The following AVEN variants were observed in gnomAD, a reference collection of about 807,000 sequenced individuals.
AVEN encodes the protein cell death regulator Aven.
AVEN carries 41 observed loss-of-function variants against 38.1 expected under a neutral mutation model. The observed-to-expected ratio is 1.08, with a 90% CI of 0.84 to 1.40. The LOEUF is 1.40. Among genes scored for constraint, AVEN ranks in the 40% most tolerant of loss-of-function variants. The pLI is 0.00. For missense variants in AVEN, 605 were observed against 438.8 expected (o/e 1.38, Z -3.38); for synonymous variants, 206 against 171.8 (o/e 1.20, Z -1.56).
chr15:33,899,460 C>CTTGTTTTTTTTTTTT (rs1892391473), intron 2 of AVEN, among the ~76,000 whole-genome samples: 1 of 65,430 alleles, frequency 1.5e-5, no homozygotes, highest in Non-Finnish European at 2.9e-5. Flanking sequence ...CAGGGAAAAC[C>CTTGTTTTTTTTTTTT]TTTTTTTTTT....
At chr15:33,857,849 C>T (rs1037322317), downstream of AVEN, 5 of 1,614,024 alleles carry the variant, frequency 3.1e-6, no homozygotes, top group Admixed American at 1.7e-5. Context: ...CAACTTCTTC[C>T]GCAAGTTCTA....
intron 2 of AVEN, among the ~76,000 whole-genome samples, chr15:34,068,414 T>C (rs181160237): frequency 1.3e-5 from 2 of 152,132 alleles, no homozygotes; most frequent in East Asian, 3.9e-4. Flanking sequence ...ACCATGGTGC[T>C]CAAGCTAGTC....
chr15:33,862,639 C>T (rs532693386), downstream of AVEN, among the ~76,000 whole-genome samples: 1 of 152,224 alleles, frequency 6.6e-6, no homozygotes, highest in South Asian at 2.1e-4. Flanking sequence ...TTTATTGAGA[C>T]AGTCTCTGTC....
At chr15:33,964,889 T>C (rs1374568697) in intron 2 of AVEN, among the ~76,000 whole-genome samples, 1 of 152,196 alleles carries the variant, frequency 6.6e-6, no homozygotes, top group African/African-American at 2.4e-5. Context: ...TTCAACATTA[T>C]ACTGGGAGTC....
chr15:33,946,821 C>A (rs1044649145), intron 2 of AVEN, among the ~76,000 whole-genome samples: 3 of 152,138 alleles, frequency 2.0e-5, no homozygotes, highest in South Asian at 2.1e-4. Flanking sequence ...AGTAAAAGGG[C>A]AGCAGAGAAG....
chr15:33,962,361 T>C (rs1597279225), intron 2 of AVEN, among the ~76,000 whole-genome samples: 2 of 152,160 alleles, frequency 1.3e-5, no homozygotes, highest in African/African-American at 4.8e-5. Context: ...CTGTTCCTCA[T>C]CCAGCTTCCC....
In AVEN at chr15:34,010,983, C is replaced by T. The variant is rs572030323; in HGVS notation, c.268-7774G>A. Among the ~76,000 whole-genome samples the T allele has an allele frequency of 3.3e-5, 5 of 152,170 alleles. No homozygotes were observed. In the South Asian group the frequency reaches 1.0e-3, roughly 32 times the overall value. The stretch of plus-strand genomic sequence containing the variant: ...CATTATCTTTTTAACAATAGAAAAA[C>T]TCATAAACCATCATAATTAAAGAAT... On this transcript the variant is annotated intron_variant, in intron 1 of 5. Transcript: ENST00000306730.
intron 2 of AVEN, among the ~76,000 whole-genome samples, chr15:33,877,694 T>C (rs2153036740): frequency 6.6e-6 from 1 of 152,276 alleles, no homozygotes; most frequent in South Asian, 2.1e-4. Context: ...CTCATGCCTG[T>C]AATCCCAGCA....
intron 2 of AVEN, among the ~76,000 whole-genome samples, chr15:33,908,576 G>A (rs1049461537): frequency 6.6e-6 from 1 of 152,082 alleles, no homozygotes; most frequent in Admixed American, 6.5e-5. Flanking sequence ...ACCATTCTGG[G>A]TGACTCATAT....
intron 2 of AVEN, among the ~76,000 whole-genome samples, chr15:33,920,895 C>T (rs968772396): frequency 2.0e-5 from 3 of 152,052 alleles, no homozygotes; most frequent in African/African-American, 7.3e-5. Flanking sequence ...CCTGCCTCAG[C>T]CCCCCAAGCA....
chr15:33,852,025 T>C, the AVEN span: 1 of 147,560 alleles, frequency 6.8e-6, no homozygotes, highest in Non-Finnish European at 1.5e-5. Flanking sequence ...AAAAACATTT[T>C]TTTTTAAATA....
At chr15:33,932,310 A>G (rs979704847) in intron 2 of AVEN, among the ~76,000 whole-genome samples, 1 of 152,204 alleles carries the variant, frequency 6.6e-6, no homozygotes, top group African/African-American at 2.4e-5. Flanking sequence ...AGTGATTCAC[A>G]TGTTAACAAG....
chr15:34,064,531 C>A, intron 4 of AVEN: 1 of 602,934 alleles, frequency 1.7e-6, no homozygotes, highest in Admixed American at 3.3e-5. Context: ...TGACCAAGGC[C>A]ATTTGATGCC....
At chr15:33,912,591 T>TA in intron 2 of AVEN, among the ~76,000 whole-genome samples, 1 of 152,370 alleles carries the variant, frequency 6.6e-6, no homozygotes, top group African/African-American at 2.4e-5. Context: ...TCAAAGAGGA[T>TA]ACTTCAGTTG....
intron 2 of AVEN, among the ~76,000 whole-genome samples, chr15:33,942,319 T>C (rs553483943): frequency 6.6e-6 from 1 of 152,322 alleles, no homozygotes; most frequent in South Asian, 2.1e-4. Context: ...CCATTCAAAA[T>C]GTATCACTTT....
At chr15:33,915,387 A>C (rs1006566993) in intron 2 of AVEN, among the ~76,000 whole-genome samples, 4 of 152,222 alleles carry the variant, frequency 2.6e-5, no homozygotes, top group Non-Finnish European at 5.9e-5. Context: ...TCCACCCCCA[A>C]GCACACACCC....
At chr15:34,010,786 ACTAATT>A (rs1163018127) in intron 1 of AVEN, among the ~76,000 whole-genome samples, 1 of 152,218 alleles carries the variant, frequency 6.6e-6, no homozygotes, top group Non-Finnish European at 1.5e-5. Flanking sequence ...GAAAAATAAT[ACTAATT>A]CAGCCCATTT....
At chr15:34,009,434 T>C (rs1597344915) in intron 1 of AVEN, among the ~76,000 whole-genome samples, 1 of 152,218 alleles carries the variant, frequency 6.6e-6, no homozygotes, top group South Asian at 2.1e-4. Flanking sequence ...TAAAACAATA[T>C]GTGTATAATT....
intron 2 of AVEN, among the ~76,000 whole-genome samples, chr15:33,963,621 AC>A (rs1190913837): frequency 6.6e-6 from 1 of 151,872 alleles, no homozygotes; most frequent in African/African-American, 2.4e-5. Flanking sequence ...ACATGGTGAA[AC>A]CCCATCTCTA....
Sources: allele counts gnomAD v4.1 joint callset (sites outside exome capture counted in the v4.1 genomes callset), GRCh38; gene constraint gnomAD v4.1.1; transcripts MANE v1.5; gene names NCBI Gene and HGNC (gene_info 2026-07-23, HGNC 2026-07-21).